The following ARHGEF3 variants were observed in gnomAD, a reference collection of about 807,000 sequenced individuals.
ARHGEF3 encodes 59.8 kDA protein.
Under a neutral mutation model 63.2 loss-of-function variants are expected in ARHGEF3, and 28 were observed. The observed-to-expected ratio is 0.44, with a 90% confidence interval of 0.33 to 0.61. The LOEUF (loss-of-function observed/expected upper bound fraction) is 0.61. Ranked by LOEUF, ARHGEF3 falls within the 20% of genes least tolerant of loss-of-function variation. The pLI, the probability that ARHGEF3 is intolerant of heterozygous loss-of-function variation, is 0.03. For missense variants in ARHGEF3, 533 were observed against 659.3 expected, an observed-to-expected ratio of 0.81 and a Z score of 2.10; for synonymous variants, 266 against 254.2, an observed-to-expected ratio of 1.05 and a Z score of -0.44.
chr3:56,981,156 T>C (rs1364598745), intron 2 of ARHGEF3, among the ~76,000 whole-genome samples: 1 of 152,160 alleles, frequency 6.6e-6, no homozygotes, highest in Non-Finnish European at 1.5e-5. Flanking sequence ...GATATAACCA[T>C]TAAAACAAAA....
chr3:56,810,992 T>C (rs931010782), intron 4 of ARHGEF3, among the ~76,000 whole-genome samples: 9 of 152,216 alleles, frequency 5.9e-5, no homozygotes, highest in African/African-American at 2.2e-4. Flanking sequence ...AGGGGGTAAT[T>C]AGCCCAATGG....
At chr3:56,936,028 G>A (rs1698884997) in intron 3 of ARHGEF3, among the ~76,000 whole-genome samples, 1 of 152,194 alleles carries the variant, frequency 6.6e-6, no homozygotes, top group African/African-American at 2.4e-5. Flanking sequence ...AAGAGGTAGA[G>A]AAGCCCTTTT....
rs1391391085 is a variant in ARHGEF3, at chr3:56,773,763, G to C, written c.150C>G (p.Asn50Lys). 2.5e-6 allele frequency: 4 copies of C among 1,602,008 alleles called. No homozygotes were observed. The highest frequency in any genetic ancestry group is 3.4e-6 in the Non-Finnish European group (4 of 1,175,514). Reference sequence around the variant, plus strand: ...GCGTGGCCTTCACGGGCGGGATGAGGTTTGCTAGCGACGTGACTCGGGAAA... The same window carrying C: ...GCGTGGCCTTCACGGGCGGGATGAGCTTTGCTAGCGACGTGACTCGGGAAA... ...KPLSRVTSLA[N>K]LIPPVKATPL... The change falls in exon 2 of 10, where the codon AAC becomes AAG. Residue 50 changes from asparagine to lysine, a missense_variant. Around this residue, in one of 4 missense-constraint regions of ARHGEF3, gnomAD observed 160 missense variants for 157.3 expected, o/e 1.02. Transcript: ENST00000296315.
chr3:57,001,244 T>G (rs1218052221), intron 2 of ARHGEF3, among the ~76,000 whole-genome samples: 1 of 152,248 alleles, frequency 6.6e-6, no homozygotes, highest in Non-Finnish European at 1.5e-5. Context: ...CAGGTCCTTC[T>G]GCAAATTTGT....
intron 4 of ARHGEF3, among the ~76,000 whole-genome samples, chr3:56,809,490 C>A (rs1311098503): frequency 6.6e-6 from 1 of 152,030 alleles, no homozygotes; most frequent in South Asian, 2.1e-4. Context: ...TCTGGATGCA[C>A]AGTTTGTATA....
At chr3:56,995,410 G>T (rs1344490448) in intron 2 of ARHGEF3, among the ~76,000 whole-genome samples, 1 of 152,104 alleles carries the variant, frequency 6.6e-6, no homozygotes, top group East Asian at 1.9e-4. Context: ...AAATCTTCCA[G>T]ACAGAATTCA....
chr3:56,755,896 T>G (rs927054799), intron 2 of ARHGEF3, among the ~76,000 whole-genome samples: 4 of 152,206 alleles, frequency 2.6e-5, no homozygotes, highest in Non-Finnish European at 5.9e-5. Flanking sequence ...TTACCAATAC[T>G]GCTTGAGCCT....
At chr3:56,777,401 T>C (rs1041628067) in intron 1 of ARHGEF3, among the ~76,000 whole-genome samples, 2 of 152,264 alleles carry the variant, frequency 1.3e-5, no homozygotes, top group African/African-American at 4.8e-5. Flanking sequence ...TAAAATATCT[T>C]GTGTTTAATT....
chr3:57,031,984 G>A (rs78552147), intron 2 of ARHGEF3, among the ~76,000 whole-genome samples: 2,302 of 152,240 alleles, frequency 0.015, 81 homozygotes, highest in African/African-American at 0.053. Flanking sequence ...TATACTAAAA[G>A]ATGGGGGCTG....
At position 56,928,915 on chromosome 3, in the gene ARHGEF3, G is replaced by A. The variant is rs569954657; in HGVS notation, c.129+29908C>T. Among the ~76,000 whole-genome samples, 294 of 152,276 alleles carry A rather than the reference G, an allele frequency of 1.9e-3. 1 individual carries two copies. The highest frequency in any genetic ancestry group is 6.9e-3 in the African/African-American group (286 of 41,554). ...AACACACGGGCCTCAGTGAGGAGGT[G>A]GAATGGCCACCCTTCCCTCCTTATC... On this transcript the variant is annotated intron_variant, in intron 3 of 12. Coordinates refer to the ARHGEF3 transcript ENST00000338458.
chr3:56,895,521 T>C (rs2041273587), intron 3 of ARHGEF3, among the ~76,000 whole-genome samples: 1 of 151,828 alleles, frequency 6.6e-6, no homozygotes, highest in Non-Finnish European at 1.5e-5. Flanking sequence ...TGGAGTGCAG[T>C]GGCGCTATCT....
rs1030932569 is a variant in ARHGEF3 at position 56,728,460 on chromosome 3, C to T, written c.*810G>A. 1 of 152,650 alleles carries T rather than the reference C, an allele frequency of 6.6e-6. No homozygotes were observed. The highest frequency in any genetic ancestry group is 1.5e-5 in the Non-Finnish European group (1 of 68,062). 9.5% of individuals were successfully genotyped at this position (152,650 alleles called of 1,614,324 possible). A position where few individuals can be genotyped will look rare whatever the true frequency, so the allele number is the denominator to read the frequency against. On this transcript the variant is annotated 3_prime_UTR_variant, in exon 10 of 10. Coordinates refer to ENST00000296315, the MANE Select transcript of ARHGEF3 (RefSeq NM_019555.3). ...CTAGGCAGATGAAACACAATGAATA[C>T]AGGGCCTTCTTGTTATCCTGGCAGG...
At chr3:56,741,487 ACATTGGTTC>A in intron 7 of ARHGEF3, among the ~76,000 whole-genome samples, 1 of 128,466 alleles carries the variant, frequency 7.8e-6, no homozygotes, top group Non-Finnish European at 1.6e-5. Context: ...CCTGGCCTCT[ACATTGGTTC>A]TTTTTTTTTT....
intron 3 of ARHGEF3, among the ~76,000 whole-genome samples, chr3:56,925,283 G>A (rs2042247178): frequency 6.6e-6 from 1 of 152,238 alleles, no homozygotes. Flanking sequence ...TACAATAACT[G>A]TTTGGTGGTA....
At chr3:56,978,527 T>C (rs776403768) in intron 2 of ARHGEF3, among the ~76,000 whole-genome samples, 2 of 152,256 alleles carry the variant, frequency 1.3e-5, no homozygotes, top group Admixed American at 6.5e-5. Context: ...CCCTCCCTAC[T>C]AACTAGCCAA....
chr3:56,915,645 AC>A (rs2041968566), intron 3 of ARHGEF3, among the ~76,000 whole-genome samples: 1 of 152,100 alleles, frequency 6.6e-6, no homozygotes, highest in Non-Finnish European at 1.5e-5. Flanking sequence ...AATAACCCAA[AC>A]CAAAAAACGA....
intron 4 of ARHGEF3, among the ~76,000 whole-genome samples, chr3:56,867,713 C>T (rs917412993): frequency 1.3e-5 from 2 of 152,176 alleles, no homozygotes; most frequent in African/African-American, 4.8e-5. Context: ...TCAAGCAATC[C>T]TCCCGCCTCA....
intron 2 of ARHGEF3, among the ~76,000 whole-genome samples, chr3:56,976,014 C>T (rs532420471): frequency 2.6e-5 from 4 of 152,036 alleles, no homozygotes; most frequent in Admixed American, 6.5e-5. Context: ...AAAGAGATTT[C>T]GATCAAATAA....
intron 3 of ARHGEF3, chr3:56,898,639 CTG>C (rs1034095874): frequency 1.1e-5 from 3 of 260,988 alleles, no homozygotes; most frequent in African/African-American, 2.3e-5. Context: ...CCTGGAAGAA[CTG>C]GTGGGGAGTG....
Sources: allele counts gnomAD v4.1 joint callset (sites outside exome capture counted in the v4.1 genomes callset), GRCh38; gene constraint gnomAD v4.1.1; regional missense constraint gnomAD v4.1.1; transcripts MANE v1.5; gene names NCBI Gene and HGNC (gene_info 2026-07-23, HGNC 2026-07-21).